Variants in PPIL6 observed in about 807,000 individuals in gnomAD.
PPIL6 encodes probable inactive peptidyl-prolyl cis-trans isomerase-like 6.
PPIL6 carries 39 observed loss-of-function variants against 36.8 expected under a neutral mutation model. That is an observed-to-expected ratio of 1.06 (90% confidence interval 0.82 to 1.38). The LOEUF (loss-of-function observed/expected upper bound fraction) is 1.38. Among genes scored for constraint, PPIL6 ranks in the 40% most tolerant of loss-of-function variants. PPIL6 has a pLI of 0.00. For missense variants in PPIL6, 368 were observed against 379.1 expected (o/e 0.97, Z 0.24); for synonymous variants, 123 against 134.1 (o/e 0.92, Z 0.57).
At chr6:109,431,662 T>G (rs933927878) in intron 2 of PPIL6, among the ~76,000 whole-genome samples, 6 of 152,224 alleles carry the variant, frequency 3.9e-5, no homozygotes, top group Non-Finnish European at 8.8e-5. Context: ...ATTTAAAATG[T>G]AATAGCAGTT....
chr6:109,419,539 A>G (rs1284843630), intron 5 of PPIL6, among the ~76,000 whole-genome samples: 1 of 152,100 alleles, frequency 6.6e-6, no homozygotes, highest in East Asian at 1.9e-4. Context: ...CCTGGCCAAC[A>G]CGGTGAAACC....
At chr6:109,425,958 T>C (rs1480866158) in intron 5 of PPIL6, among the ~76,000 whole-genome samples, 1 of 152,208 alleles carries the variant, frequency 6.6e-6, no homozygotes, top group Non-Finnish European at 1.5e-5. Context: ...AGGCAGATGC[T>C]AAACATTTTG....
upstream of PPIL6, chr6:109,441,064 C>A (rs957991503): frequency 4.4e-6 from 7 of 1,586,988 alleles, no homozygotes; most frequent in Middle Eastern, 3.3e-4. Flanking sequence ...GCCCCCGTCC[C>A]CACCGCGGCC....
chr6:109,440,613 T>G lies in PPIL6; in HGVS notation c.-23A>C, dbSNP rs1369567088. 7.6e-7 allele frequency: 1 copy of G among 1,324,092 alleles called. No individual in the cohort carries two copies. The highest frequency in any genetic ancestry group is 3.3e-5 in the East Asian group (1 of 30,464). The allele number at this position is 1,324,092 out of a possible 1,614,324, so 82.0% of individuals were successfully genotyped here. On this transcript the variant is annotated 5_prime_UTR_variant, in exon 1 of 8. Transcript: ENST00000521072. Reference sequence around the variant, plus strand: ...CATGGCCGCGCCCGGGGACGCCCGGTGACCCCAAACACTGCGCGTCGCTCC... The same window carrying G: ...CATGGCCGCGCCCGGGGACGCCCGGGGACCCCAAACACTGCGCGTCGCTCC...
chr6:109,432,032 T>C (rs1027094385), intron 2 of PPIL6, among the ~76,000 whole-genome samples: 1 of 152,198 alleles, frequency 6.6e-6, no homozygotes, highest in Non-Finnish European at 1.5e-5. Flanking sequence ...TAATAGAAGA[T>C]AAATGGTAAT....
Position 109,392,552 on chromosome 6 carries a change from C to A in PPIL6, c.*274G>T, listed in dbSNP as rs1027216912. ...ACTGGATGAAGGGGAAGGGGCAGGACCACTGGCGTTCTATTCCTGTCCCAC... is the reference window on the plus strand; with the variant it reads ...ACTGGATGAAGGGGAAGGGGCAGGAACACTGGCGTTCTATTCCTGTCCCAC... On this transcript the variant is annotated 3_prime_UTR_variant, in exon 8 of 8. Coordinates refer to ENST00000521072, the MANE Select transcript of PPIL6 (RefSeq NM_173672.5). 2.8e-5 allele frequency: 9 copies of A among 323,662 alleles called. No homozygotes were observed. In the Admixed American group the frequency reaches 4.0e-4, roughly 14 times the overall value. The allele number at this position is 323,662 out of a possible 1,614,324, so 20.0% of individuals were successfully genotyped here.
intron 6 of PPIL6, chr6:109,403,181 T>A: frequency 8.9e-7 from 1 of 1,119,948 alleles, no homozygotes; most frequent in Non-Finnish European, 1.2e-6. Context: ...TGCTAGTTGT[T>A]CAGACTAGTC....
intron 5 of PPIL6, among the ~76,000 whole-genome samples, chr6:109,424,475 C>T (rs924146145): frequency 2.0e-5 from 3 of 152,204 alleles, no homozygotes; most frequent in Non-Finnish European, 2.9e-5. Flanking sequence ...AGGCACAGCA[C>T]AAAACCACGT....
At chr6:109,397,236 G>A (rs1168849274) in intron 7 of PPIL6, among the ~76,000 whole-genome samples, 1 of 151,758 alleles carries the variant, frequency 6.6e-6, no homozygotes, top group Non-Finnish European at 1.5e-5. Flanking sequence ...AAGGAGGGCA[G>A]TGCCTCCCTG....
chr6:109,438,815 C>T (rs1051825482), intron 1 of PPIL6, among the ~76,000 whole-genome samples: 9 of 152,232 alleles, frequency 5.9e-5, no homozygotes, highest in African/African-American at 2.2e-4. Flanking sequence ...TCTTGAACTC[C>T]CGATTTCGTG....
chr6:109,395,834 T>C (rs868622621), intron 7 of PPIL6, among the ~76,000 whole-genome samples: 2,518 of 142,400 alleles, frequency 0.018, 76 homozygotes, highest in African/African-American at 0.064. Context: ...TCGATCTCTT[T>C]TTTTTTTTTT....
chr6:109,425,115 C>G (rs1462644197), intron 5 of PPIL6, among the ~76,000 whole-genome samples: 1 of 152,100 alleles, frequency 6.6e-6, no homozygotes, highest in Non-Finnish European at 1.5e-5. Context: ...TCCAACACAC[C>G]AGGTCATTGA....
At chr6:109,400,922 C>T (rs1028808666) in intron 6 of PPIL6, among the ~76,000 whole-genome samples, 21 of 151,732 alleles carry the variant, frequency 1.4e-4, no homozygotes, top group African/African-American at 4.8e-4. Flanking sequence ...TGCAGTGGTG[C>T]GATCTCAGCT....
At chr6:109,394,558 G>A (rs1306984764) in intron 7 of PPIL6, among the ~76,000 whole-genome samples, 1 of 152,082 alleles carries the variant, frequency 6.6e-6, no homozygotes, top group East Asian at 1.9e-4. Flanking sequence ...GACAGTGGCT[G>A]AGGGGAAGGG....
intron 5 of PPIL6, among the ~76,000 whole-genome samples, chr6:109,422,116 T>G (rs1582572226): frequency 6.6e-6 from 1 of 152,064 alleles, no homozygotes; most frequent in Non-Finnish European, 1.5e-5. Context: ...GACCTCGTGA[T>G]CCACCCGCCT....
chr6:109,403,821 AG>A (rs1772665217), intron 6 of PPIL6, among the ~76,000 whole-genome samples: 1 of 152,204 alleles, frequency 6.6e-6, no homozygotes, highest in Admixed American at 6.5e-5. Context: ...AGTTTTTCAC[AG>A]CCCCAGTTTT....
At chr6:109,438,593 T>C (rs1005472540) in intron 1 of PPIL6, among the ~76,000 whole-genome samples, 2 of 151,974 alleles carry the variant, frequency 1.3e-5, no homozygotes, top group East Asian at 1.9e-4. Context: ...AACAGTTTTT[T>C]GTTTTTTTTT....
chr6:109,401,593 G>A (rs1462594623), intron 6 of PPIL6, among the ~76,000 whole-genome samples: 2 of 152,116 alleles, frequency 1.3e-5, no homozygotes, highest in Non-Finnish European at 2.9e-5. Flanking sequence ...GATGAGGCAT[G>A]TTTGTACAAA....
chr6:109,429,522 A>T (rs1266370033), intron 3 of PPIL6, among the ~76,000 whole-genome samples: 1 of 152,132 alleles, frequency 6.6e-6, no homozygotes, highest in Admixed American at 6.6e-5. Context: ...CCTTCACTAG[A>T]ACCTAAAGGG....
Sources: gnomAD v4.1 joint callset for allele counts (sites outside exome capture counted in the v4.1 genomes callset) on GRCh38, gnomAD v4.1.1 for gene constraint, MANE v1.5 for transcripts, NCBI Gene and HGNC (gene_info 2026-07-23, HGNC 2026-07-21) for gene names.